NUP107: variants seen among roughly 807,000 people sequenced by gnomAD.
NUP107 encodes nucleoporin 107, also known as nuclear pore complex protein Nup107.
In NUP107, 101 loss-of-function variants were observed where a neutral mutation model predicts 141.0. The ratio of observed to expected loss-of-function variants is 0.72; its 90% CI spans 0.61 to 0.84. The LOEUF (loss-of-function observed/expected upper bound fraction) is 0.84. NUP107 is among the 40% of genes least tolerant of loss of function. The pLI, the probability that NUP107 is intolerant of heterozygous loss-of-function variation, is 0.00. For synonymous variants in NUP107, 319 were observed against 363.9 expected (o/e 0.88, Z 1.41); for missense variants, 941 against 1,102.7 (o/e 0.85, Z 2.08).
At chr12:68,728,657 C>A (rs1296415140) in intron 20 of NUP107, among the ~76,000 whole-genome samples, 3 of 150,828 alleles carry the variant, frequency 2.0e-5, no homozygotes, top group Non-Finnish European at 4.4e-5. Flanking sequence ...TGATCCACCC[C>A]CCTCAGTCTC....
chr12:68,736,195 A>G (rs1278987686), intron 26 of NUP107, among the ~76,000 whole-genome samples: 1 of 152,202 alleles, frequency 6.6e-6, no homozygotes, highest in Non-Finnish European at 1.5e-5. Context: ...ATTTTGAACA[A>G]AGAAAACAGT....
chr12:68,735,295 A>G lies in NUP107; in HGVS notation c.2453A>G (p.Tyr818Cys), dbSNP rs376871041. The G allele has an allele frequency of 2.4e-5, 39 of 1,614,112 alleles. No individual in the cohort carries two copies. The highest frequency in any genetic ancestry group is 2.2e-4 in the Admixed American group (13 of 60,032). Residue 818 changes from tyrosine (Y) to cysteine (C), a missense_variant, in exon 26 of 28, where the codon TAT becomes TGT. Coordinates refer to ENST00000229179, the MANE Select transcript of NUP107 (RefSeq NM_020401.4). ...ALTADVKEKMYNVLLFVDGGW... is the reference protein window; with the variant it reads ...ALTADVKEKMCNVLLFVDGGW... ...ACTGCTGATGTGAAGGAGAAAATGT[A>G]TAACGTCTTGTTGTTTGTTGATGGA...
chr12:68,705,568 A>C, intron 8 of NUP107: 1 of 271,032 alleles, frequency 3.7e-6, no homozygotes, highest in Non-Finnish European at 7.3e-6. Flanking sequence ...ACCAAGAAGC[A>C]GCTTCTCTGT....
At position 68,715,622 on chromosome 12, in the gene NUP107, T is replaced by C; in HGVS notation, c.970-5T>C. The stretch of plus-strand genomic sequence containing the variant: ...GTTGATGATGACTTTTTTTTCTTCT[T>C]ACAGGACCCTGATGCTCCCATAAGA... On this transcript the variant is annotated splice_region_variant and splice_polypyrimidine_tract_variant and intron_variant, in intron 11 of 27. Coordinates refer to ENST00000229179, the MANE Select transcript of NUP107 (RefSeq NM_020401.4). 1 of 1,570,288 alleles carries C rather than the reference T, an allele frequency of 6.4e-7. No individual in the cohort carries two copies. The highest frequency in any genetic ancestry group is 8.8e-7 in the Non-Finnish European group (1 of 1,141,294).
chr12:68,697,635 A>C lies in NUP107; in HGVS notation c.552+713A>C, dbSNP rs138659290. On this transcript the variant is annotated intron_variant, in intron 6 of 27. Transcript: ENST00000229179. ...TTTATCCTGGAACTTAAACAAAATA[A>C]AACTCAACAATAAGAAAATGAACAA... Among the ~76,000 whole-genome samples, 451 of 152,256 alleles carry C rather than the reference A, an allele frequency of 3.0e-3. 3 individuals carry two copies. Among genetic ancestry groups the C allele is most frequent in the African/African-American group, 0.011 (439 of 41,544 alleles).
At chr12:68,706,121 G>A in intron 8 of NUP107, 1 of 767,920 alleles carries the variant, frequency 1.3e-6, no homozygotes, top group South Asian at 1.3e-5. Context: ...GAAGCTGGAG[G>A]TGGAACTTGA....
At chr12:68,706,660 T>A in intron 8 of NUP107, 1 of 725,290 alleles carries the variant, frequency 1.4e-6, no homozygotes, top group Admixed American at 1.8e-5. Context: ...CATGGGGAGC[T>A]GGCAGTTAAG....
intron 26 of NUP107, 25 bp downstream of exon 26, chr12:68,735,369 C>A (rs2136049090): frequency 6.7e-7 from 1 of 1,484,682 alleles, no homozygotes; most frequent in Non-Finnish European, 9.4e-7. Context: ...TTGTTTATAG[C>A]CAAAAACCAA....
chr12:68,739,566 G>A (rs998772629), intron 26 of NUP107, among the ~76,000 whole-genome samples: 1 of 152,150 alleles, frequency 6.6e-6, no homozygotes, highest in Non-Finnish European at 1.5e-5. Flanking sequence ...GGGGGGGCGC[G>A]GTGGCTCACG....
chr12:68,742,434 A>T lies in NUP107; in HGVS notation c.2750A>T (p.Asp917Val). The T allele has an allele frequency of 6.3e-7, 1 of 1,596,800 alleles. No homozygotes were observed. The highest frequency in any genetic ancestry group is 1.1e-5 in the South Asian group (1 of 88,934). Residue 917 changes from aspartate to valine, a missense_variant, in exon 28 of 28, where the codon GAC (aspartate) becomes GTC (valine). Physicochemically the swap from Asp to Val is radical, Grantham distance 152. Coordinates refer to ENST00000229179, the MANE Select transcript of NUP107 (RefSeq NM_020401.4). Reference protein sequence around the residue: ...SSLMLLDQGLDPLGYEIQL With the variant: ...SSLMLLDQGLVPLGYEIQL ...CTAATGCTCCTAGACCAGGGACTTG[A>T]CCCATTAGGGTATGAAATTCAGTTA...
At chr12:68,700,636 A>G in intron 6 of NUP107, 90 bp from the exon 7 acceptor site, 1 of 815,814 alleles carries the variant, frequency 1.2e-6, no homozygotes, top group Non-Finnish European at 1.8e-6. Flanking sequence ...TATTAAATAC[A>G]ATTATTTTAG....
rs1876778332 is a variant in NUP107, at chr12:68,710,082, A to C, written c.879A>C (p.Lys293Asn). The change falls in exon 10 of 28, where the codon AAA becomes AAC. Residue 293 changes from lysine to asparagine, a missense_variant. By Grantham distance (94) the Lys-to-Asn change is moderately conservative. Coordinates refer to ENST00000229179, the MANE Select transcript of NUP107 (RefSeq NM_020401.4). ...EFSDNIEFYA[K>N]SVYWENTLHT... ...CTGATAATATTGAGTTTTATGCAAAATCAGTATATTGGTAAGTTACCAAAC... is the reference window on the plus strand; with the variant it reads ...CTGATAATATTGAGTTTTATGCAAACTCAGTATATTGGTAAGTTACCAAAC... 2 of 1,529,068 alleles carry C rather than the reference A, an allele frequency of 1.3e-6. No homozygotes were observed. The highest frequency in any genetic ancestry group is 1.7e-5 in the Admixed American group (1 of 59,730). The allele number at this position is 1,529,068 out of a possible 1,614,324, so 94.7% of individuals were successfully genotyped here. A position where few individuals can be genotyped will look rare whatever the true frequency, so the allele number is the denominator to read the frequency against.
At chr12:68,704,117 T>C (rs894786399) in intron 8 of NUP107, among the ~76,000 whole-genome samples, 1 of 152,186 alleles carries the variant, frequency 6.6e-6, no homozygotes, top group Non-Finnish European at 1.5e-5. Context: ...TCTTCATACA[T>C]ATATATGTGT....
intron 8 of NUP107, chr12:68,706,703 G>A: frequency 1.3e-6 from 1 of 749,068 alleles, no homozygotes. Context: ...AGCTGGAGGT[G>A]GGCGGGCCAA....
At chr12:68,696,451 G>C (rs990924250) in intron 5 of NUP107, among the ~76,000 whole-genome samples, 2 of 151,974 alleles carry the variant, frequency 1.3e-5, no homozygotes, top group South Asian at 4.2e-4. Flanking sequence ...GGTGGCTCAC[G>C]CCTGTAATGC....
chr12:68,731,714 A>G lies in NUP107; in HGVS notation c.1993A>G (p.Thr665Ala). ...DLAPALDTGT[T>A]EEDRLKIDVI... ...GGCCCCAGCCCTAGATACTGGCACT[A>G]CTGAGGTAATTTGGGATGGGGGGGC... Residue 665 changes from threonine (T) to alanine (A), a missense_variant, in exon 22 of 28, where the codon ACT (threonine) becomes GCT (alanine). By Grantham distance (58) the Thr-to-Ala change is moderately conservative (BLOSUM62 0). Coordinates refer to ENST00000229179, the MANE Select transcript of NUP107 (RefSeq NM_020401.4). 1 of 1,531,864 alleles carries G rather than the reference A, an allele frequency of 6.5e-7. No individual in the cohort carries two copies. The highest frequency in any genetic ancestry group is 1.3e-5 in the South Asian group (1 of 79,522). The allele number at this position is 1,531,864 out of a possible 1,614,324, so 94.9% of individuals were successfully genotyped here.
rs1438170591 is a variant in NUP107, at chr12:68,719,582, A to G, written c.1179A>G (p.Thr393=). The G allele has an allele frequency of 1.2e-6, 2 of 1,610,230 alleles. No individual in the cohort carries two copies. Among genetic ancestry groups the G allele is most frequent in the South Asian group, 2.2e-5 (2 of 90,148 alleles). ...TTTTCTTTTGCTATTTTATAGGAACAGAATTAGAACCTGTTGAAGGGAATC... is the reference window on the plus strand; with the variant it reads ...TTTTCTTTTGCTATTTTATAGGAACGGAATTAGAACCTGTTGAAGGGAATC... The part of the protein sequence containing the change: ...LYHDPNVNGG[T]ELEPVEGNPY... The change falls in exon 14 of 28, where the codon ACA becomes ACG. Residue 393 remains threonine, a synonymous_variant. Transcript: ENST00000229179.
At chr12:68,710,214 G>A (rs543578208) in intron 10 of NUP107, 121 bp downstream of exon 10, 6 of 556,862 alleles carry the variant, frequency 1.1e-5, no homozygotes, top group South Asian at 6.2e-5. Flanking sequence ...ACTTTGTTTG[G>A]TGTGTGAGCA....
chr12:68,691,922 A>T, intron 4 of NUP107, 46 bp from the exon 5 acceptor site: 3 of 1,496,474 alleles, frequency 2.0e-6, no homozygotes, highest in Non-Finnish European at 2.7e-6. Context: ...CAGTGACAAT[A>T]ACTCCATCAC....
Sources: gnomAD v4.1 joint callset for allele counts (sites outside exome capture counted in the v4.1 genomes callset) on GRCh38, gnomAD v4.1.1 for gene constraint, MANE v1.5 for transcripts, NCBI Gene and HGNC (gene_info 2026-07-23, HGNC 2026-07-21) for gene names.